PDPK1: variants seen among roughly 807,000 people sequenced by gnomAD.
PDPK1 encodes the protein 3-phosphoinositide dependent protein kinase 1.
PDPK1 carries 7 observed loss-of-function variants against 39.8 expected under a neutral mutation model. That is an observed-to-expected ratio of 0.18 (90% CI 0.10 to 0.33). PDPK1 has a LOEUF of 0.33. Ranked by LOEUF, PDPK1 falls within the 10% of genes least tolerant of loss-of-function variation. The pLI, the probability that PDPK1 is intolerant of heterozygous loss-of-function variation, is 1.00. For synonymous variants in PDPK1, 118 were observed against 159.1 expected (o/e 0.74, Z 1.95); for missense variants, 182 against 384.7 (o/e 0.47, Z 4.41).
chr16:2,577,746 T>G (rs370181334), intron 7 of PDPK1, among the ~76,000 whole-genome samples: 1,934 of 148,034 alleles, frequency 0.013, 54 homozygotes, highest in Non-Finnish European at 0.019. Context: ...TGTTTTTGTT[T>G]TTTTGTTTTT....
rs905417586 is a variant in PDPK1, at chr16:2,597,988, G to C, written c.*221G>C. 12 of 565,950 alleles carry C rather than the reference G, an allele frequency of 2.1e-5. No homozygotes were observed. In the African/African-American group the frequency reaches 2.3e-4, roughly 11 times the overall value. 35.1% of individuals were successfully genotyped at this position (565,950 alleles called of 1,614,324 possible). ...ACACAAAGGAATTCAGGGTCGCTTT[G>C]CTTGCTCTCTGTGCTCCGTGGAGGC... On this transcript the variant is annotated 3_prime_UTR_variant, in exon 14 of 14. Transcript: ENST00000342085. This position sits in a 1 kb window ranked among gnomAD's most constrained non-coding sequence, Gnocchi z 6.3.
At chr16:2,596,945 G>C (rs1459030428) in intron 12 of PDPK1, among the ~76,000 whole-genome samples, 178 bp from the exon 13 acceptor site, 3 of 152,184 alleles carry the variant, frequency 2.0e-5, no homozygotes, top group Non-Finnish European at 4.4e-5. Context: ...TGCATCCCCT[G>C]TGACCTTAGA....
Position 2,586,563 on chromosome 16 carries a change from C to CT in PDPK1, c.1126-111dup. On this transcript the variant is annotated intron_variant, in intron 10 of 13. Coordinates refer to ENST00000342085, the MANE Select transcript of PDPK1 (RefSeq NM_002613.5). ...GGCTGCCCACCCTGTCGCCTTGCGC[C>CT]TTGCTGTGTGCGAGCTCCCAAGGCC... 3 of 868,362 alleles carry CT rather than the reference C, an allele frequency of 3.5e-6. No individual in the cohort carries two copies. In the Admixed American group the frequency reaches 6.0e-5, roughly 17 times the overall value. The allele number at this position is 868,362 out of a possible 1,614,324, so 53.8% of individuals were successfully genotyped here.
chr16:2,586,084 A>G (rs2066868855), intron 10 of PDPK1, among the ~76,000 whole-genome samples: 1 of 152,190 alleles, frequency 6.6e-6, no homozygotes, highest in African/African-American at 2.4e-5. Context: ...CGTTGTCGAC[A>G]CTAGCTTGTC....
At chr16:2,588,992 T>C (rs1011014982) in intron 11 of PDPK1, among the ~76,000 whole-genome samples, 1 of 152,228 alleles carries the variant, frequency 6.6e-6, no homozygotes, top group African/African-American at 2.4e-5. Flanking sequence ...AGTCTTGCTC[T>C]GTCGCCCAGG....
At chr16:2,541,624 C>T (rs2066247048) in intron 1 of PDPK1, among the ~76,000 whole-genome samples, 1 of 152,128 alleles carries the variant, frequency 6.6e-6, no homozygotes, top group African/African-American at 2.4e-5. Context: ...ACCTGCTGTG[C>T]GATGACATGT....
intron 11 of PDPK1, among the ~76,000 whole-genome samples, chr16:2,592,213 C>A (rs1337080364): frequency 6.6e-6 from 1 of 152,188 alleles, no homozygotes. Context: ...TGCGCTTTGG[C>A]ATCGGGAAAG....
chr16:2,579,390 G>A (rs2066776529), intron 7 of PDPK1: 2 of 86,540 alleles, frequency 2.3e-5, no homozygotes, highest in East Asian at 3.8e-4. Context: ...AGGGCGGAGG[G>A]CCACTTTAGC....
At chr16:2,559,297 G>A (rs2066561602) in intron 2 of PDPK1, among the ~76,000 whole-genome samples, 1 of 144,138 alleles carries the variant, frequency 6.9e-6, no homozygotes, top group South Asian at 2.1e-4. Context: ...CTGCAGCCTC[G>A]ACTTCCTGGG....
At position 2,545,919 on chromosome 16, in the gene PDPK1, G is replaced by A. The variant is rs1250055322; in HGVS notation, c.24+7783G>A. Among the ~76,000 whole-genome samples, 4 of 152,130 alleles carry A rather than the reference G, an allele frequency of 2.6e-5. 1 individual carries two copies. The highest frequency in any genetic ancestry group is 2.0e-4 in the Admixed American group (3 of 15,266). ...CCCAAAATGCTGGGAATACAGGCAT[G>A]AGCTACAGCAACCTGGCCAGCATTT... On this transcript the variant is annotated intron_variant, in intron 1 of 13. Coordinates refer to ENST00000342085, the MANE Select transcript of PDPK1 (RefSeq NM_002613.5).
intron 1 of PDPK1, among the ~76,000 whole-genome samples, chr16:2,550,362 A>G (rs1424842172): frequency 1.4e-3 from 105 of 76,676 alleles, no homozygotes; most frequent in African/African-American, 5.6e-3. Flanking sequence ...CCCTACTTGA[A>G]AAACAGGATT....
intron 11 of PDPK1, chr16:2,594,364 G>A (rs990378579): frequency 6.6e-6 from 1 of 152,136 alleles, no homozygotes; most frequent in Non-Finnish European, 1.5e-5. Context: ...CTAACATAGT[G>A]AAACCCCATC....
Position 2,601,053 on chromosome 16 carries a change from T to A in PDPK1, c.*3286T>A, listed in dbSNP as rs2067205762. 4.3e-6 allele frequency: 1 copy of A among 232,568 alleles called. No homozygotes were observed. The highest frequency in any genetic ancestry group is 8.5e-6 in the Non-Finnish European group (1 of 117,912). The allele number at this position is 232,568 out of a possible 1,614,324, so 14.4% of individuals were successfully genotyped here. On this transcript the variant is annotated 3_prime_UTR_variant, in exon 14 of 14. Coordinates refer to ENST00000342085, the MANE Select transcript of PDPK1 (RefSeq NM_002613.5). ...GTAAAATACTTAAGACGGTTTCTGA[T>A]TTTTCCACTATTTAAATAATGCTGT...
chr16:2,593,480 C>T lies in PDPK1; in HGVS notation c.1344-2313C>T, dbSNP rs559569621. 1.0e-4 allele frequency: 22 copies of T among 219,958 alleles called. No individual in the cohort carries two copies. The South Asian group carries it at 1.2e-3, about 12-fold the overall frequency. 13.6% of individuals were successfully genotyped at this position (219,958 alleles called of 1,614,324 possible). A position where few individuals can be genotyped will look rare whatever the true frequency, so the allele number is the denominator to read the frequency against. Reference sequence around the variant, plus strand: ...CTGTTCTCGCTCTCAGCCAGGAAGGCGGCCCCTCCCACACAGGTTGCAGGG... The same window carrying T: ...CTGTTCTCGCTCTCAGCCAGGAAGGTGGCCCCTCCCACACAGGTTGCAGGG... On this transcript the variant is annotated intron_variant, in intron 11 of 13. Coordinates refer to ENST00000342085, the MANE Select transcript of PDPK1 (RefSeq NM_002613.5). The surrounding 1 kb of genome is among the most constrained non-coding windows in gnomAD (Gnocchi z 4.2).
chr16:2,599,588 C>T lies in PDPK1; in HGVS notation c.*1821C>T. The T allele has an allele frequency of 2.1e-5, 5 of 232,774 alleles. No individual in the cohort carries two copies. Among genetic ancestry groups the T allele is most frequent in the Non-Finnish European group, 4.2e-5 (5 of 117,784 alleles). 14.4% of individuals were successfully genotyped at this position (232,774 alleles called of 1,614,324 possible). A position where few individuals can be genotyped will look rare whatever the true frequency, so the allele number is the denominator to read the frequency against. On this transcript the variant is annotated 3_prime_UTR_variant, in exon 14 of 14. Coordinates refer to ENST00000342085, the MANE Select transcript of PDPK1 (RefSeq NM_002613.5). ...GGGAGCAGGACGCTCCGGGGCCCAG[C>T]ACGTTGCCCTGGGCCTGTGGCCGGA...
At chr16:2,590,943 C>G (rs1251678363) in intron 11 of PDPK1, among the ~76,000 whole-genome samples, 1 of 151,408 alleles carries the variant, frequency 6.6e-6, no homozygotes. Flanking sequence ...GCTACTGCAC[C>G]AGGCCAAAAG....
Position 2,602,257 on chromosome 16 carries a change from G to A in PDPK1, c.*4490G>A, listed in dbSNP as rs575224409. ...GTGGCAAGTGCCTGAATCGGGGCTG[G>A]AGGCACTTCAGAGCCTCTGAGGGGC... On this transcript the variant is annotated 3_prime_UTR_variant, in exon 14 of 14. Transcript: ENST00000342085. The A allele has an allele frequency of 2.5e-4, 59 of 234,664 alleles. No homozygotes were observed. Among genetic ancestry groups the A allele is most frequent in the African/African-American group, 1.1e-3 (52 of 45,336 alleles). 14.5% of individuals were successfully genotyped at this position (234,664 alleles called of 1,614,324 possible).
At chr16:2,587,480 T>C (rs1310419390) in intron 11 of PDPK1, among the ~76,000 whole-genome samples, 1 of 152,224 alleles carries the variant, frequency 6.6e-6, no homozygotes, top group Admixed American at 6.5e-5. Flanking sequence ...TGAGGTACTT[T>C]GTGTCCTTTG....
chr16:2,543,582 G>A (rs1322130922), intron 1 of PDPK1, among the ~76,000 whole-genome samples: 1 of 147,948 alleles, frequency 6.8e-6, no homozygotes. Context: ...GGCCCAGGTG[G>A]GTCCAGGATG....
Sources: gnomAD v4.1 joint callset for allele counts (sites outside exome capture counted in the v4.1 genomes callset) on GRCh38, gnomAD v4.1.1 for gene constraint, Gnocchi (gnomAD v3.1) non-coding constraint, MANE v1.5 for transcripts, NCBI Gene and HGNC (gene_info 2026-07-23, HGNC 2026-07-21) for gene names.